Variants in ACVR1B observed in about 807,000 individuals in gnomAD.
ACVR1B encodes the protein activin receptor type-1B.
ACVR1B carries 15 observed loss-of-function variants against 55.6 expected under a neutral mutation model. The observed-to-expected ratio is 0.27, with a 90% CI of 0.18 to 0.42. The LOEUF (loss-of-function observed/expected upper bound fraction) is 0.42. Among genes scored for constraint, ACVR1B ranks in the 10% least tolerant of loss-of-function variants. The pLI, the probability that ACVR1B is intolerant of heterozygous loss-of-function variation, is 1.00. For synonymous variants in ACVR1B, 247 were observed against 254.6 expected (o/e 0.97, Z 0.28); for missense variants, 359 against 670.1 (o/e 0.54, Z 5.13).
At chr12:51,969,538 C>G (rs188788092) in intron 1 of ACVR1B, among the ~76,000 whole-genome samples, 123 of 152,314 alleles carry the variant, frequency 8.1e-4, no homozygotes, top group African/African-American at 2.9e-3. Flanking sequence ...TTATACTACC[C>G]ACTCGAGAGA....
intron 4 of ACVR1B, 105 bp from the exon 5 acceptor site, chr12:51,983,894 C>T (rs1483457724): frequency 7.7e-6 from 9 of 1,163,732 alleles, no homozygotes; most frequent in Admixed American, 6.3e-5. Context: ...AATGTGAATT[C>T]AGGAGTCTAA....
chr12:51,957,008 A>G (rs1320277975), intron 1 of ACVR1B, among the ~76,000 whole-genome samples: 2 of 152,056 alleles, frequency 1.3e-5, no homozygotes, highest in African/African-American at 4.8e-5. Flanking sequence ...GGCTCAAGCA[A>G]TCCACTCACC....
At chr12:51,987,312 G>A in intron 7 of ACVR1B, 1 of 544,548 alleles carries the variant, frequency 1.8e-6, no homozygotes, top group South Asian at 2.8e-5. Flanking sequence ...TGGCTCCCAA[G>A]CCACATTCAT....
At chr12:51,952,893 CTG>C (rs1315226552) in intron 1 of ACVR1B, among the ~76,000 whole-genome samples, 1 of 150,784 alleles carries the variant, frequency 6.6e-6, no homozygotes, top group Non-Finnish European at 1.5e-5. Context: ...ACTCTCCTCT[CTG>C]TAGAAGCGGG....
At chr12:51,991,387 T>C (rs1018808422) in intron 7 of ACVR1B, among the ~76,000 whole-genome samples, 1 of 152,154 alleles carries the variant, frequency 6.6e-6, no homozygotes, top group African/African-American at 2.4e-5. Context: ...CTGGCTACTC[T>C]TTTGTATTTC....
chr12:51,969,646 C>G (rs901978653), intron 1 of ACVR1B, among the ~76,000 whole-genome samples: 3 of 152,188 alleles, frequency 2.0e-5, no homozygotes, highest in Non-Finnish European at 2.9e-5. Context: ...TTGATCTGGA[C>G]TTTGAAAGAC....
chr12:51,983,937 C>A (rs1241756213), intron 4 of ACVR1B, 62 bp from the exon 5 acceptor site: 4 of 1,577,266 alleles, frequency 2.5e-6, no homozygotes, highest in Non-Finnish European at 3.5e-6. Flanking sequence ...TCATCCTTAC[C>A]AACCTTCACT....
intron 7 of ACVR1B, among the ~76,000 whole-genome samples, chr12:51,988,976 AC>A (rs1942135427): frequency 6.6e-6 from 1 of 152,072 alleles, no homozygotes; most frequent in African/African-American, 2.4e-5. Context: ...AATTAGCCAG[AC>A]ATAAAGGCCA....
At chr12:51,971,000 A>T (rs1163278901) in intron 1 of ACVR1B, among the ~76,000 whole-genome samples, 1 of 152,046 alleles carries the variant, frequency 6.6e-6, no homozygotes, top group East Asian at 1.9e-4. Flanking sequence ...ATCATGCTGC[A>T]CACTCCCACA....
At chr12:51,969,771 C>G (rs990721779) in intron 1 of ACVR1B, among the ~76,000 whole-genome samples, 1 of 152,126 alleles carries the variant, frequency 6.6e-6, no homozygotes, top group Non-Finnish European at 1.5e-5. Context: ...GTAGTCCTAA[C>G]TACTGAGGAG....
chr12:51,981,484 C>A (rs1213380545), intron 4 of ACVR1B, among the ~76,000 whole-genome samples: 1 of 152,210 alleles, frequency 6.6e-6, no homozygotes, highest in Non-Finnish European at 1.5e-5. Flanking sequence ...TCCACTCCCC[C>A]AAACCCACCT....
At chr12:51,976,865 G>C (rs1280734072) in intron 3 of ACVR1B, among the ~76,000 whole-genome samples, 2 of 152,164 alleles carry the variant, frequency 1.3e-5, no homozygotes, top group African/African-American at 4.8e-5. Flanking sequence ...TTAAAATTCA[G>C]CTGGTCCCAC....
intron 4 of ACVR1B, chr12:51,982,928 C>T (rs1942007726): frequency 9.6e-7 from 1 of 1,043,534 alleles, no homozygotes; most frequent in South Asian, 2.4e-5. Context: ...GACTTTGGGG[C>T]TGGTTAGAGT....
At chr12:51,957,441 C>CAA (rs76826910) in intron 1 of ACVR1B, among the ~76,000 whole-genome samples, 1,021 of 96,194 alleles carry the variant, frequency 0.011, 7 homozygotes, top group Non-Finnish European at 0.017. Context: ...GAGACTCCGT[C>CAA]AAAAAAAAAA....
At chr12:51,983,932 C>G in intron 4 of ACVR1B, 67 bp from the exon 5 acceptor site, 2 of 1,562,484 alleles carry the variant, frequency 1.3e-6, no homozygotes, top group Non-Finnish European at 1.8e-6. Flanking sequence ...TACACTCATC[C>G]TTACCAACCT....
At position 51,985,193 on chromosome 12, in the gene ACVR1B, G is replaced by T. The variant is rs1942054087; in HGVS notation, c.981G>T (p.Gly327=). The T allele has an allele frequency of 6.2e-7, 1 of 1,605,754 alleles. No homozygotes were observed. Among genetic ancestry groups the T allele is most frequent in the African/African-American group, 1.3e-5 (1 of 74,462 alleles). ...GATCCCTGTTTTTTTCTCTGCCAGG[G>T]AAGCCTGGAATTGCTCATCGAGACT... ...HLHMEIVGTQ[G]KPGIAHRDLK... Residue 327 remains glycine, a splice_region_variant and synonymous_variant, in exon 6 of 9, where the codon GGG becomes GGT. Coordinates refer to ENST00000257963, the MANE Select transcript of ACVR1B (RefSeq NM_004302.5).
At chr12:51,982,249 T>G (rs1207675604) in intron 4 of ACVR1B, among the ~76,000 whole-genome samples, 1 of 152,020 alleles carries the variant, frequency 6.6e-6, no homozygotes. Flanking sequence ...TGTGCAAAGG[T>G]GAGGTTTGGG....
At chr12:51,972,307 T>C (rs1941759994) in intron 1 of ACVR1B, among the ~76,000 whole-genome samples, 2 of 152,232 alleles carry the variant, frequency 1.3e-5, no homozygotes, top group Non-Finnish European at 2.9e-5. Flanking sequence ...TCACGTGCCG[T>C]ATAACAGCAT....
chr12:51,991,718 T>C, intron 7 of ACVR1B, 145 bp from the exon 8 acceptor site: 1 of 921,332 alleles, frequency 1.1e-6, no homozygotes, highest in Non-Finnish European at 1.6e-6. Context: ...GTGTATTTCT[T>C]GTTCCATACT....
Sources: gnomAD v4.1 joint callset for allele counts (sites outside exome capture counted in the v4.1 genomes callset) on GRCh38, gnomAD v4.1.1 for gene constraint, MANE v1.5 for transcripts, NCBI Gene and HGNC (gene_info 2026-07-23, HGNC 2026-07-21) for gene names.